TSC22D1: variants seen among roughly 807,000 people sequenced by gnomAD.
TSC22D1 encodes the protein TSC22 domain family protein 1.
A neutral mutation model predicts 74.2 loss-of-function variants in TSC22D1; 9 were observed. The ratio of observed to expected loss-of-function variants is 0.12; its 90% confidence interval spans 0.07 to 0.21. TSC22D1 has a LOEUF of 0.21. Ranked by LOEUF, TSC22D1 falls within the 10% of genes least tolerant of loss-of-function variation. The pLI is 1.00. For synonymous variants in TSC22D1, 586 were observed against 492.5 expected (o/e 1.19, Z -2.51); for missense variants, 1,427 against 1,304.7 (o/e 1.09, Z -1.44).
At chr13:44,497,735 C>T (rs1014126724) in intron 1 of TSC22D1, among the ~76,000 whole-genome samples, 1 of 152,128 alleles carries the variant, frequency 6.6e-6, no homozygotes, top group African/African-American at 2.4e-5. Flanking sequence ...CTGTCCCTGC[C>T]TTCATTCAGA....
intron 1 of TSC22D1, among the ~76,000 whole-genome samples, chr13:44,553,179 T>C (rs1250509842): frequency 1.3e-5 from 2 of 152,184 alleles, no homozygotes; most frequent in African/African-American, 4.8e-5. Flanking sequence ...CAAGGAACAC[T>C]GGTTCTCCAG....
intron 1 of TSC22D1, among the ~76,000 whole-genome samples, chr13:44,529,658 T>C (rs954380396): frequency 1.2e-4 from 18 of 152,076 alleles, no homozygotes; most frequent in Non-Finnish European, 5.9e-5. Flanking sequence ...TGTTTGCAGA[T>C]GATATGATTG....
intron 1 of TSC22D1, among the ~76,000 whole-genome samples, chr13:44,567,939 T>A (rs1405612489): frequency 2.0e-5 from 3 of 152,110 alleles, no homozygotes. Context: ...ATAAAGGTTT[T>A]AGAGGTTTTA....
chr13:44,492,064 T>C (rs188551637), intron 1 of TSC22D1, among the ~76,000 whole-genome samples: 84 of 152,298 alleles, frequency 5.5e-4, no homozygotes, highest in African/African-American at 1.9e-3. Context: ...TCAATTGTGG[T>C]ACATTCACGT....
chr13:44,441,403 C>T (rs6561177), intron 1 of TSC22D1, among the ~76,000 whole-genome samples: 16,579 of 152,176 alleles, frequency 0.11, 951 homozygotes, highest in African/African-American at 0.14. Context: ...GAAGAAAACA[C>T]GGAATGCTCA....
chr13:44,516,138 G>C (rs980950326), intron 1 of TSC22D1, among the ~76,000 whole-genome samples: 2 of 152,106 alleles, frequency 1.3e-5, no homozygotes, highest in Non-Finnish European at 2.9e-5. Context: ...TTAGCTATTA[G>C]TAGTATGCAG....
chr13:44,437,392 C>T, intron 1 of TSC22D1: 1 of 332,466 alleles, frequency 3.0e-6, no homozygotes, highest in Middle Eastern at 1.6e-3. Context: ...TAATAATCAC[C>T]CTGCAATCAT....
intron 1 of TSC22D1, among the ~76,000 whole-genome samples, chr13:44,484,568 C>T (rs144618716): frequency 6.6e-5 from 10 of 152,182 alleles, no homozygotes; most frequent in East Asian, 1.9e-4. Flanking sequence ...ATGGGAGATG[C>T]GGTTGGAGAA....
At chr13:44,462,712 G>A (rs1488237123) in intron 1 of TSC22D1, among the ~76,000 whole-genome samples, 2 of 152,152 alleles carry the variant, frequency 1.3e-5, no homozygotes, top group Non-Finnish European at 2.9e-5. Flanking sequence ...GGTGCTTTAA[G>A]TAGTTGATAT....
rs1881171159 is a variant in TSC22D1 at position 44,536,940 on chromosome 13, A to AC, written c.2912+36222_2912+36223insG. On this transcript the variant is annotated intron_variant, in intron 1 of 2. Coordinates refer to ENST00000458659, the MANE Select transcript of TSC22D1 (RefSeq NM_183422.4). ...AGTATTTTTCTGAAAAAAAAAAAAA[A>AC]AAAAAAAAAAAAAAAAAAACAAAAA... The AC allele has an allele frequency of 1.1e-5, 9 of 841,902 alleles. No homozygotes were observed. The African/African-American group carries it at 1.9e-4, about 17-fold the overall frequency. 52.2% of individuals were successfully genotyped at this position (841,902 alleles called of 1,614,324 possible). A position where few individuals can be genotyped will look rare whatever the true frequency, so the allele number is the denominator to read the frequency against.
chr13:44,537,502 GC>G, intron 1 of TSC22D1: 4 of 985,078 alleles, frequency 4.1e-6, no homozygotes, highest in Non-Finnish European at 4.8e-6. Context: ...GCCACACAAA[GC>G]GGTTTCTACT....
intron 1 of TSC22D1, among the ~76,000 whole-genome samples, chr13:44,508,363 G>A (rs1267240147): frequency 2.6e-5 from 4 of 152,106 alleles, no homozygotes; most frequent in Admixed American, 6.5e-5. Flanking sequence ...TGAACACATG[G>A]TTCCGATGTT....
At chr13:44,453,827 G>A (rs1477355274) in intron 1 of TSC22D1, among the ~76,000 whole-genome samples, 1 of 152,152 alleles carries the variant, frequency 6.6e-6, no homozygotes, top group African/African-American at 2.4e-5. Context: ...TTACACGTAT[G>A]TTTCTAATAA....
chr13:44,459,011 T>A (rs1278741275), intron 1 of TSC22D1, among the ~76,000 whole-genome samples: 1 of 152,142 alleles, frequency 6.6e-6, no homozygotes, highest in Non-Finnish European at 1.5e-5. Flanking sequence ...GAAACCCCAC[T>A]TTCAAGTGGT....
chr13:44,477,492 C>T (rs774550100), intron 1 of TSC22D1, among the ~76,000 whole-genome samples: 3 of 152,030 alleles, frequency 2.0e-5, no homozygotes, highest in Non-Finnish European at 2.9e-5. Context: ...ACGTCTAATT[C>T]TGCCTGAAAG....
chr13:44,561,155 G>A lies in TSC22D1; in HGVS notation c.2912+12008C>T, dbSNP rs11616906. Among the ~76,000 whole-genome samples, 612 of 152,272 alleles carry A rather than the reference G, an allele frequency of 4.0e-3. 5 individuals are homozygous for A. The highest frequency in any genetic ancestry group is 0.017 in the Middle Eastern group (5 of 294). On this transcript the variant is annotated intron_variant, in intron 1 of 2. Coordinates refer to ENST00000458659, the MANE Select transcript of TSC22D1 (RefSeq NM_183422.4). ...CATTCCACAGCTGGTTTAACCTCTG[G>A]ATTAAGTGGAGTGTTACCATATGTG...
Position 44,434,254 on chromosome 13 carries a change from T to G in TSC22D1, c.*372A>C. The stretch of plus-strand genomic sequence containing the variant: ...GGAGCTCCATCGCTTCACAACCCCA[T>G]GTAGGACACTAAGCGCAAGCAGGAG... On this transcript the variant is annotated 3_prime_UTR_variant, in exon 3 of 3. Coordinates refer to ENST00000458659, the MANE Select transcript of TSC22D1 (RefSeq NM_183422.4). The G allele has an allele frequency of 7.1e-7, 1 of 1,403,498 alleles. No homozygotes were observed. The highest frequency in any genetic ancestry group is 9.2e-7 in the Non-Finnish European group (1 of 1,091,286). The allele number at this position is 1,403,498 out of a possible 1,614,324, so 86.9% of individuals were successfully genotyped here.
At chr13:44,537,247 T>TA in intron 1 of TSC22D1, 1 of 929,590 alleles carries the variant, frequency 1.1e-6, no homozygotes, top group Non-Finnish European at 1.3e-6. Context: ...ACATAAAATA[T>TA]AAAAAAACTC....
intron 1 of TSC22D1, among the ~76,000 whole-genome samples, chr13:44,467,432 A>G (rs534493578): frequency 6.6e-6 from 1 of 152,324 alleles, no homozygotes; most frequent in African/African-American, 2.4e-5. Context: ...TCTGCACAGC[A>G]AAAGAAATAA....
Sources: allele counts gnomAD v4.1 joint callset (sites outside exome capture counted in the v4.1 genomes callset), GRCh38; gene constraint gnomAD v4.1.1; transcripts MANE v1.5; gene names NCBI Gene and HGNC (gene_info 2026-07-23, HGNC 2026-07-21).